The following GLRA3 variants were observed in gnomAD, a reference collection of about 807,000 sequenced individuals.
GLRA3 encodes glycine receptor subunit alpha-3.
In GLRA3, 44 loss-of-function variants were observed where a neutral mutation model predicts 60.4. The observed-to-expected ratio is 0.73, with a 90% CI of 0.57 to 0.94. The LOEUF is 0.94. GLRA3 is among the 40% of genes least tolerant of loss of function. The pLI is 0.00. For synonymous variants in GLRA3, 223 were observed against 192.9 expected (o/e 1.16, Z -1.29); for missense variants, 508 against 564.6 (o/e 0.90, Z 1.02).
intron 5 of GLRA3, among the ~76,000 whole-genome samples, chr4:174,705,118 T>C (rs1214116536): frequency 1.4e-5 from 2 of 144,494 alleles, no homozygotes; most frequent in African/African-American, 2.5e-5. Flanking sequence ...TGTCCCTTCA[T>C]AACTCATGTT....
intron 7 of GLRA3, among the ~76,000 whole-genome samples, chr4:174,671,447 T>C (rs962808920): frequency 1.3e-5 from 2 of 152,172 alleles, no homozygotes; most frequent in African/African-American, 4.8e-5. Context: ...ACAGTGAATA[T>C]AAATCCTTCA....
intron 1 of GLRA3, among the ~76,000 whole-genome samples, chr4:174,813,213 G>T (rs1740339744): frequency 6.6e-6 from 1 of 152,106 alleles, no homozygotes; most frequent in Non-Finnish European, 1.5e-5. Flanking sequence ...CTAATTAAAT[G>T]AGTCATATTT....
chr4:174,674,341 T>G (rs1468506735), intron 7 of GLRA3, among the ~76,000 whole-genome samples: 1 of 152,160 alleles, frequency 6.6e-6, no homozygotes, highest in Non-Finnish European at 1.5e-5. Flanking sequence ...GGGAATAGAA[T>G]GCATATATCA....
chr4:174,726,554 A>C (rs1037412889), intron 4 of GLRA3, among the ~76,000 whole-genome samples: 1 of 152,110 alleles, frequency 6.6e-6, no homozygotes, highest in East Asian at 1.9e-4. Context: ...TGGGACTTTG[A>C]TTTTTGTCTG....
chr4:174,733,707 G>A (rs762229064), intron 3 of GLRA3, among the ~76,000 whole-genome samples: 2 of 152,150 alleles, frequency 1.3e-5, no homozygotes, highest in Non-Finnish European at 2.9e-5. Context: ...CTCAATAAAG[G>A]CTGTGGCTTA....
chr4:174,784,482 A>C (rs1423993967), intron 2 of GLRA3, among the ~76,000 whole-genome samples: 1 of 76,248 alleles, frequency 1.3e-5, no homozygotes, highest in African/African-American at 4.3e-5. Flanking sequence ...AAAAAAATAC[A>C]AAAAAAAAAC....
In GLRA3 at chr4:174,824,085, C is replaced by T. The variant is rs1740860817; in HGVS notation, c.71+4656G>A. Among the ~76,000 whole-genome samples the T allele has an allele frequency of 2.6e-5, 4 of 152,174 alleles. No individual in the cohort carries two copies. In the South Asian group the frequency reaches 6.2e-4, roughly 24 times the overall value. On this transcript the variant is annotated intron_variant, in intron 1 of 9. Coordinates refer to ENST00000274093, the MANE Select transcript of GLRA3 (RefSeq NM_006529.4). ...TCTGGCAATTAAATCTATGCAAATA[C>T]CTGAATTCCTAGCTGAGGCCAGGAA...
chr4:174,716,713 C>T (rs1407329028), intron 4 of GLRA3, among the ~76,000 whole-genome samples: 7 of 152,104 alleles, frequency 4.6e-5, no homozygotes, highest in African/African-American at 1.7e-4. Context: ...GTACCTACTC[C>T]AGAGAGTTGC....
At chr4:174,790,962 C>A (rs1336787366) in intron 1 of GLRA3, among the ~76,000 whole-genome samples, 1 of 145,762 alleles carries the variant, frequency 6.9e-6, no homozygotes, top group African/African-American at 2.6e-5. Context: ...CGAGATCACG[C>A]GACGGCACTG....
chr4:174,711,000 C>A (rs1735699716), intron 5 of GLRA3, among the ~76,000 whole-genome samples: 1 of 151,884 alleles, frequency 6.6e-6, no homozygotes. Flanking sequence ...TGTAACTTAA[C>A]ATCAAGTTTT....
chr4:174,702,633 T>C (rs1735366312), intron 5 of GLRA3, among the ~76,000 whole-genome samples: 1 of 152,158 alleles, frequency 6.6e-6, no homozygotes. Context: ...AGTGCCGTGA[T>C]CATAGCTCAC....
At chr4:174,729,064 C>T (rs1376795924) in intron 3 of GLRA3, among the ~76,000 whole-genome samples, 1 of 152,188 alleles carries the variant, frequency 6.6e-6, no homozygotes, top group African/African-American at 2.4e-5. Flanking sequence ...GTAAAACAGT[C>T]ATCCTAGTTC....
At chr4:174,736,393 C>CA (rs1736790970) in intron 3 of GLRA3, among the ~76,000 whole-genome samples, 1 of 151,948 alleles carries the variant, frequency 6.6e-6, no homozygotes, top group Non-Finnish European at 1.5e-5. Context: ...TACAGTATTA[C>CA]GCAGCCATCA....
At chr4:174,791,539 G>A (rs1444331530) in intron 1 of GLRA3, among the ~76,000 whole-genome samples, 2 of 152,076 alleles carry the variant, frequency 1.3e-5, no homozygotes, top group Non-Finnish European at 2.9e-5. Flanking sequence ...TTACTCTTTG[G>A]TTCTTTTTTT....
intron 3 of GLRA3, among the ~76,000 whole-genome samples, chr4:174,757,140 C>CA (rs1356363853): frequency 6.6e-6 from 1 of 152,040 alleles, no homozygotes; most frequent in Non-Finnish European, 1.5e-5. Flanking sequence ...ATAGAAAATA[C>CA]AAAAAATTGG....
chr4:174,735,756 T>C (rs372477603), intron 3 of GLRA3, among the ~76,000 whole-genome samples: 1 of 152,086 alleles, frequency 6.6e-6, no homozygotes, highest in Non-Finnish European at 1.5e-5. Context: ...GAGATGGGGT[T>C]CCGTCATGTT....
At chr4:174,752,138 A>G (rs937965301) in intron 3 of GLRA3, among the ~76,000 whole-genome samples, 3 of 152,184 alleles carry the variant, frequency 2.0e-5, no homozygotes, top group Non-Finnish European at 4.4e-5. Context: ...AAGTATATTT[A>G]GAATCAGAAT....
chr4:174,744,523 G>A (rs974941064), intron 3 of GLRA3, among the ~76,000 whole-genome samples: 4 of 152,200 alleles, frequency 2.6e-5, no homozygotes, highest in African/African-American at 4.8e-5. Flanking sequence ...CTAAACCACT[G>A]AGGAAATCAC....
intron 3 of GLRA3, among the ~76,000 whole-genome samples, chr4:174,751,044 G>A (rs1053876041): frequency 2.7e-5 from 4 of 150,350 alleles, no homozygotes; most frequent in South Asian, 2.1e-4. Flanking sequence ...CCAGAAAAAA[G>A]AGAAGCCTGT....
Sources: allele counts gnomAD v4.1 joint callset (sites outside exome capture counted in the v4.1 genomes callset), GRCh38; gene constraint gnomAD v4.1.1; transcripts MANE v1.5; gene names NCBI Gene and HGNC (gene_info 2026-07-23, HGNC 2026-07-21).